AGAP1: variants seen among roughly 807,000 people sequenced by gnomAD.
The protein encoded by AGAP1 is ArfGAP with GTPase domain, ankyrin repeat and PH domain 1.
AGAP1 carries 29 observed loss-of-function variants against 105.3 expected under a neutral mutation model. The observed-to-expected ratio is 0.28, with a 90% CI of 0.21 to 0.38. AGAP1 has a LOEUF of 0.38. Ranked by LOEUF, AGAP1 falls within the 10% of genes least tolerant of loss-of-function variation. The pLI, the probability that AGAP1 is intolerant of heterozygous loss-of-function variation, is 1.00. For synonymous variants in AGAP1, 509 were observed against 485.9 expected (o/e 1.05, Z -0.63); for missense variants, 998 against 1,165.1 (o/e 0.86, Z 2.09).
intron 16 of AGAP1, among the ~76,000 whole-genome samples, chr2:236,103,213 G>A (rs1015404566): frequency 6.6e-6 from 1 of 152,000 alleles, no homozygotes; most frequent in Non-Finnish European, 1.5e-5. Context: ...CCTCACCTCC[G>A]CCCACTGCCT....
chr2:235,940,604 G>C (rs1275806352), intron 12 of AGAP1, among the ~76,000 whole-genome samples: 1 of 152,192 alleles, frequency 6.6e-6, no homozygotes, highest in Non-Finnish European at 1.5e-5. Flanking sequence ...CCCATTCTTT[G>C]CGGTTACCCA....
At chr2:235,542,374 A>G (rs1018527580) in intron 1 of AGAP1, among the ~76,000 whole-genome samples, 2 of 152,234 alleles carry the variant, frequency 1.3e-5, no homozygotes, top group Non-Finnish European at 2.9e-5. Context: ...CTCAGATGAA[A>G]AGGAAGCAAT....
At chr2:235,762,141 T>TATGG (rs1406111629) in intron 6 of AGAP1, among the ~76,000 whole-genome samples, 9 of 150,884 alleles carry the variant, frequency 6.0e-5, no homozygotes, top group African/African-American at 2.2e-4. Context: ...TTGCAGAGAA[T>TATGG]ATGGACATAG....
Position 235,976,567 on chromosome 2 carries a change from CAAACTT to C in AGAP1, c.1645+7948_1645+7953del, listed in dbSNP as rs2054868504. ...TTGTTTTAATTTTTTTAACCACACACAAACTTAAAGGGGTTAGATTCAGGTCCAAAA... is the reference window on the plus strand; with the variant it reads ...TTGTTTTAATTTTTTTAACCACACACAAAGGGGTTAGATTCAGGTCCAAAA... On this transcript the variant is annotated intron_variant, in intron 13 of 17. Coordinates refer to ENST00000304032, the MANE Select transcript of AGAP1 (RefSeq NM_001037131.3). The surrounding 1 kb of genome is among the most constrained non-coding windows in gnomAD (Gnocchi z 4.5). 1.3e-5 allele frequency among the ~76,000 whole-genome samples: 2 copies of C among 152,170 alleles called. No homozygotes were observed. The highest frequency in any genetic ancestry group is 2.9e-5 in the Non-Finnish European group (2 of 68,026).
chr2:235,989,966 GT>G lies in AGAP1; in HGVS notation c.1645+21346del, dbSNP rs1179147002. ...GCGTAGCCGGGGTTGGGAACCAGTG[GT>G]TTAGGTTAAGATCAGCTAGATCTGT... On this transcript the variant is annotated intron_variant, in intron 13 of 17. Transcript: ENST00000304032. This position sits in a 1 kb window ranked among gnomAD's most constrained non-coding sequence, Gnocchi z 4.4. 1.3e-5 allele frequency among the ~76,000 whole-genome samples: 2 copies of G among 152,058 alleles called. No individual in the cohort carries two copies. The highest frequency in any genetic ancestry group is 4.8e-5 in the African/African-American group (2 of 41,390).
Position 235,904,492 on chromosome 2 carries a change from C to T in AGAP1, c.1156-4246C>T, listed in dbSNP as rs1304119102. 2.0e-5 allele frequency among the ~76,000 whole-genome samples: 3 copies of T among 152,148 alleles called. No individual in the cohort carries two copies. Among genetic ancestry groups the T allele is most frequent in the Non-Finnish European group, 4.4e-5 (3 of 68,024 alleles). On this transcript the variant is annotated intron_variant, in intron 10 of 17. Coordinates refer to ENST00000304032, the MANE Select transcript of AGAP1 (RefSeq NM_001037131.3). The surrounding 1 kb of genome is among the most constrained non-coding windows in gnomAD (Gnocchi z 4.2). ...GTGGGCCCCAGGGACTTGTTAAGTG[C>T]TGTTTAAAAGTACTTGGCTTTGAAT...
Position 235,600,141 on chromosome 2 carries a change from A to G in AGAP1, c.163+105292A>G, listed in dbSNP as rs114715129. 0.02 allele frequency among the ~76,000 whole-genome samples: 3,112 copies of G among 152,272 alleles called. 110 individuals are homozygous for G. The highest frequency in any genetic ancestry group is 0.07 in the African/African-American group (2,918 of 41,534). Reference sequence around the variant, plus strand: ...TATTTACTCAGTAATTACAGGTTCAAGTCCCTTGTCCAAAATCCAAAAAGC... The same window carrying G: ...TATTTACTCAGTAATTACAGGTTCAGGTCCCTTGTCCAAAATCCAAAAAGC... On this transcript the variant is annotated intron_variant, in intron 1 of 17. Coordinates refer to ENST00000304032, the MANE Select transcript of AGAP1 (RefSeq NM_001037131.3). This position sits in a 1 kb window ranked among gnomAD's most constrained non-coding sequence, Gnocchi z 4.8.
At chr2:235,682,597 A>G (rs909619501) in intron 1 of AGAP1, among the ~76,000 whole-genome samples, 3 of 151,306 alleles carry the variant, frequency 2.0e-5, no homozygotes, top group African/African-American at 7.3e-5. Context: ...CTCGCACCTT[A>G]GCCTCCCAAA....
rs55670838 is a variant in AGAP1, at chr2:236,061,964, G to A, written c.2114+12683G>A. 0.33 allele frequency among the ~76,000 whole-genome samples: 49,621 copies of A among 152,022 alleles called. 10,358 individuals carry two copies. Among genetic ancestry groups the A allele is most frequent in the Non-Finnish European group, 0.47 (31,821 of 67,948 alleles). ...GAGCAGCTGGAGCAAAGGTGCAGGC[G>A]TACAGGAACGCATGCTGGGTGGCGG... On this transcript the variant is annotated intron_variant, in intron 16 of 17. Transcript: ENST00000304032. The surrounding 1 kb of genome is among the most constrained non-coding windows in gnomAD (Gnocchi z 4.1).
At chr2:235,598,876 TAAA>T (rs1945633440) in intron 1 of AGAP1, among the ~76,000 whole-genome samples, 1 of 152,176 alleles carries the variant, frequency 6.6e-6, no homozygotes, top group Non-Finnish European at 1.5e-5. Context: ...AAAACCCATT[TAAA>T]AAGCACATGA....
At chr2:235,802,706 A>T (rs1226942434) in intron 8 of AGAP1, among the ~76,000 whole-genome samples, 6 of 80,450 alleles carry the variant, frequency 7.5e-5, no homozygotes, top group Non-Finnish European at 1.6e-4. Context: ...GATGGTTGTG[A>T]TAATGATGGT....
Position 235,882,327 on chromosome 2 carries a change from T to C in AGAP1, c.1051-1018T>C, listed in dbSNP as rs2050066222. On this transcript the variant is annotated intron_variant, in intron 9 of 17. Coordinates refer to ENST00000304032, the MANE Select transcript of AGAP1 (RefSeq NM_001037131.3). This position sits in a 1 kb window ranked among gnomAD's most constrained non-coding sequence, Gnocchi z 4.6. ...CTTCCTCCACATCACAACTGGGGTC[T>C]TAAGGATGACGAGGGCAGGAAATCC... The C allele has an allele frequency of 1.0e-6, 1 of 984,952 alleles. No individual in the cohort carries two copies. Among genetic ancestry groups the C allele is most frequent in the Admixed American group, 2.2e-5 (1 of 46,264 alleles). The allele number at this position is 984,952 out of a possible 1,614,324, so 61.0% of individuals were successfully genotyped here.
In AGAP1 at chr2:235,669,354, C is replaced by T. The variant is rs1212852301; in HGVS notation, c.164-39825C>T. On this transcript the variant is annotated intron_variant, in intron 1 of 17. Transcript: ENST00000304032. ...TCATTTAAACGCGCAGCAGGTGAGA[C>T]ATGCCCCTCGTTTTGTTCTTGCAGG... Among the ~76,000 whole-genome samples, 6 of 152,196 alleles carry T rather than the reference C, an allele frequency of 3.9e-5. No homozygotes were observed. The East Asian group carries it at 7.7e-4, about 20-fold the overall frequency.
chr2:235,603,624 G>A (rs1477083631), intron 1 of AGAP1, among the ~76,000 whole-genome samples: 1 of 152,236 alleles, frequency 6.6e-6, no homozygotes, highest in African/African-American at 2.4e-5. Context: ...CAATTCTTTA[G>A]TTAGATACCT....
At chr2:236,029,182 A>G (rs1218937607) in intron 13 of AGAP1, among the ~76,000 whole-genome samples, 2 of 132,812 alleles carry the variant, frequency 1.5e-5, no homozygotes, top group Admixed American at 7.1e-5. Flanking sequence ...GTTTTTATTT[A>G]GTTTTTTTTT....
rs564682193 is a variant in AGAP1 at position 235,567,283 on chromosome 2, T to G, written c.163+72434T>G. 2.0e-5 allele frequency among the ~76,000 whole-genome samples: 3 copies of G among 152,342 alleles called. No individual in the cohort carries two copies. In the South Asian group the frequency reaches 6.2e-4, roughly 32 times the overall value. ...CTGGAAGGATGTTCAGATATGAGAA[T>G]GGGAAAAGGCGGAGCGGTGTTTGTT... On this transcript the variant is annotated intron_variant, in intron 1 of 17. Transcript: ENST00000304032.
Position 235,744,843 on chromosome 2 carries a change from A to G in AGAP1, c.538+4A>G, listed in dbSNP as rs575855431. ...CTGGTTCTGGTGGGAACCCAGGGTGAGTGATGTTCGTGTGCAGATTGTTTT... is the reference window on the plus strand; with the variant it reads ...CTGGTTCTGGTGGGAACCCAGGGTGGGTGATGTTCGTGTGCAGATTGTTTT... On this transcript the variant is annotated splice_donor_region_variant and intron_variant, in intron 5 of 17. Coordinates refer to ENST00000304032, the MANE Select transcript of AGAP1 (RefSeq NM_001037131.3). This position sits in a 1 kb window ranked among gnomAD's most constrained non-coding sequence, Gnocchi z 5.2. 1.4e-4 allele frequency: 233 copies of G among 1,613,990 alleles called. No individual in the cohort carries two copies. The highest frequency in any genetic ancestry group is 1.9e-4 in the Non-Finnish European group (223 of 1,179,980).
At chr2:235,869,141 G>A (rs1179264842) in intron 9 of AGAP1, among the ~76,000 whole-genome samples, 1 of 152,104 alleles carries the variant, frequency 6.6e-6, no homozygotes, top group Non-Finnish European at 1.5e-5. Context: ...TGTCTGGTGG[G>A]TGAAATGGTT....
rs968672968 is a variant in AGAP1 at position 235,610,915 on chromosome 2, A to G, written c.164-98264A>G. Among the ~76,000 whole-genome samples, 4 of 152,026 alleles carry G rather than the reference A, an allele frequency of 2.6e-5. No homozygotes were observed. Among genetic ancestry groups the G allele is most frequent in the Non-Finnish European group, 5.9e-5 (4 of 68,020 alleles). The stretch of plus-strand genomic sequence containing the variant: ...TTCGTTTCACCTGTCCTCTGCCTGT[A>G]ATCCTTTTCAGCCCCTCTGAAGAGC... On this transcript the variant is annotated intron_variant, in intron 1 of 17. Transcript: ENST00000304032. This position sits in a 1 kb window ranked among gnomAD's most constrained non-coding sequence, Gnocchi z 4.9.
Sources: gnomAD v4.1 joint callset for allele counts (sites outside exome capture counted in the v4.1 genomes callset) on GRCh38, gnomAD v4.1.1 for gene constraint, Gnocchi (gnomAD v3.1) non-coding constraint, MANE v1.5 for transcripts, NCBI Gene and HGNC (gene_info 2026-07-23, HGNC 2026-07-21) for gene names.